SLC25A26: variants seen among roughly 807,000 people sequenced by gnomAD.
SLC25A26 encodes mitochondrial S-adenosylmethionine carrier protein.
Under a neutral mutation model 37.8 loss-of-function variants are expected in SLC25A26, and 36 were observed. That is an observed-to-expected ratio of 0.95 (90% CI 0.73 to 1.26). The LOEUF is 1.26. Among genes scored for constraint, SLC25A26 ranks in the 50% most tolerant of loss-of-function variants. SLC25A26 has a pLI of 0.00. For missense variants in SLC25A26, 390 were observed against 331.1 expected (o/e 1.18, Z -1.38); for synonymous variants, 129 against 122.5 (o/e 1.05, Z -0.35).
At chr3:66,303,947 T>C (rs2075145058) in intron 5 of SLC25A26, among the ~76,000 whole-genome samples, 1 of 152,206 alleles carries the variant, frequency 6.6e-6, no homozygotes, top group African/African-American at 2.4e-5. Context: ...CACACTTTAC[T>C]TCCAGAGGCT....
chr3:66,209,087 G>A (rs1324755347), intron 1 of SLC25A26, among the ~76,000 whole-genome samples: 12 of 39,972 alleles, frequency 3.0e-4, no homozygotes, highest in South Asian at 7.9e-4. Context: ...CCCATATAAA[G>A]ATGTATATAT....
At chr3:66,232,493 T>C (rs1446322453) in intron 1 of SLC25A26, among the ~76,000 whole-genome samples, 4 of 152,322 alleles carry the variant, frequency 2.6e-5, no homozygotes, top group East Asian at 3.9e-4. Context: ...AAAACAGATA[T>C]AGATCTTGTG....
At chr3:66,361,309 G>A (rs1308803250) in intron 6 of SLC25A26, among the ~76,000 whole-genome samples, 4 of 152,100 alleles carry the variant, frequency 2.6e-5, no homozygotes, top group East Asian at 1.9e-4. Flanking sequence ...GAAAACACAG[G>A]ATCAAAAAAT....
In SLC25A26 at chr3:66,209,020, A is replaced by G. The variant is rs1576639288; in HGVS notation, c.-353-11722A>G. ...TACCCATATAAAGGTATATATATAT[A>G]TACACACCCATATAAAGGTGTATAT... is the stretch of plus-strand genomic sequence containing the variant. On this transcript the variant is annotated intron_variant, in intron 1 of 10. Transcript: ENST00000676754. Among the ~76,000 whole-genome samples, 42 of 118,552 alleles carry G rather than the reference A, an allele frequency of 3.5e-4. No individual in the cohort carries two copies. The East Asian group carries it at 5.5e-3, about 16-fold the overall frequency. 77.8% of individuals were successfully genotyped at this position (118,552 alleles called of 152,430 possible).
intron 1 of SLC25A26, among the ~76,000 whole-genome samples, chr3:66,176,469 C>A (rs2106744046): frequency 6.6e-6 from 1 of 152,162 alleles, no homozygotes; most frequent in South Asian, 2.1e-4. Context: ...GCAGTGTATG[C>A]CTCGCAGCCT....
intron 1 of SLC25A26, among the ~76,000 whole-genome samples, chr3:66,228,281 T>C (rs1391922920): frequency 6.6e-6 from 1 of 152,226 alleles, no homozygotes; most frequent in Non-Finnish European, 1.5e-5. Flanking sequence ...GGGACTACCT[T>C]TCTTTTTTCA....
At chr3:66,326,879 T>C (rs1203505772) in intron 5 of SLC25A26, among the ~76,000 whole-genome samples, 1 of 152,196 alleles carries the variant, frequency 6.6e-6, no homozygotes, top group Non-Finnish European at 1.5e-5. Flanking sequence ...AGGTGAACTC[T>C]GGTCCTCTCC....
rs545751109 is a variant in SLC25A26, at chr3:66,160,764, G to A, written c.-354+26780G>A. Among the ~76,000 whole-genome samples the A allele has an allele frequency of 3.3e-5, 5 of 152,074 alleles. No homozygotes were observed. The South Asian group carries it at 6.3e-4, about 19-fold the overall frequency. On this transcript the variant is annotated intron_variant, in intron 1 of 10. Transcript: ENST00000676754. ...AGCCTGGCCAACATGATGAAACCCCGTCTCTACTAAAAACACAAAAATTAG... is the reference window on the plus strand; with the variant it reads ...AGCCTGGCCAACATGATGAAACCCCATCTCTACTAAAAACACAAAAATTAG...
chr3:66,322,374 TTC>T (rs931289693), intron 5 of SLC25A26, among the ~76,000 whole-genome samples: 3 of 152,210 alleles, frequency 2.0e-5, no homozygotes, highest in Non-Finnish European at 4.4e-5. Flanking sequence ...GATTCATATT[TTC>T]TAGTTTATGG....
At chr3:66,157,031 A>C (rs1325786356) in intron 1 of SLC25A26, among the ~76,000 whole-genome samples, 1 of 152,044 alleles carries the variant, frequency 6.6e-6, no homozygotes, top group Admixed American at 6.6e-5. Context: ...TCAGGAGTTC[A>C]AGACCAGCCT....
At position 66,196,021 on chromosome 3, in the gene SLC25A26, A is replaced by G. The variant is rs985137528; in HGVS notation, c.-353-24721A>G. The stretch of plus-strand genomic sequence containing the variant: ...TTTAGGCAGACACACGTGTACAAAC[A>G]TAAAAATAGGTTTCTGACTATTGAA... On this transcript the variant is annotated intron_variant, in intron 1 of 10. Coordinates refer to the SLC25A26 transcript ENST00000676754. Among the ~76,000 whole-genome samples, 28 of 152,356 alleles carry G rather than the reference A, an allele frequency of 1.8e-4. No homozygotes were observed. In the East Asian group the frequency reaches 4.8e-3, roughly 26 times the overall value.
At chr3:66,368,507 G>A (rs1700159564) in intron 7 of SLC25A26, among the ~76,000 whole-genome samples, 2 of 152,164 alleles carry the variant, frequency 1.3e-5, no homozygotes, top group African/African-American at 2.4e-5. Context: ...GTGCTGAAGC[G>A]AGACTCAGGC....
intron 5 of SLC25A26, among the ~76,000 whole-genome samples, chr3:66,287,919 A>G (rs895538764): frequency 6.6e-6 from 1 of 152,240 alleles, no homozygotes; most frequent in African/African-American, 2.4e-5. Flanking sequence ...TTCTTTGTAC[A>G]CTATCACTCA....
chr3:66,321,923 A>C (rs965254601), intron 5 of SLC25A26, among the ~76,000 whole-genome samples: 2 of 152,116 alleles, frequency 1.3e-5, no homozygotes, highest in Non-Finnish European at 2.9e-5. Context: ...AGGAAGTCCA[A>C]GACTGAGGGA....
chr3:66,269,778 G>C (rs1408010905), intron 5 of SLC25A26, among the ~76,000 whole-genome samples: 1 of 152,154 alleles, frequency 6.6e-6, no homozygotes, highest in Non-Finnish European at 1.5e-5. Flanking sequence ...TATCAGTGCT[G>C]TGTATCTGTC....
chr3:66,279,275 G>A (rs1442030317), intron 5 of SLC25A26, among the ~76,000 whole-genome samples: 3 of 152,076 alleles, frequency 2.0e-5, no homozygotes, highest in African/African-American at 7.2e-5. Context: ...CTAATCCTGT[G>A]TTAATATTCA....
In SLC25A26 at chr3:66,267,918, G is replaced by A. The variant is rs191686645; in HGVS notation, c.453+4539G>A. On this transcript the variant is annotated intron_variant, in intron 5 of 9. Transcript: ENST00000354883. ...AAACGGGAACCTTCAGCGATCAAGC[G>A]TCAAGGACTGCCCTCCAAAGTCTCC... is the stretch of plus-strand genomic sequence containing the variant. Among the ~76,000 whole-genome samples, 41 of 152,286 alleles carry A rather than the reference G, an allele frequency of 2.7e-4. 1 individual carries two copies. The highest frequency in any genetic ancestry group is 5.1e-4 in the African/African-American group (21 of 41,554).
At chr3:66,291,614 T>C (rs1331904718) in intron 5 of SLC25A26, among the ~76,000 whole-genome samples, 1 of 152,210 alleles carries the variant, frequency 6.6e-6, no homozygotes, top group African/African-American at 2.4e-5. Context: ...TTGTGCGGTT[T>C]TGAATGAGTT....
chr3:66,261,817 C>T (rs369805047), intron 3 of SLC25A26, among the ~76,000 whole-genome samples: 11 of 151,232 alleles, frequency 7.3e-5, no homozygotes, highest in Non-Finnish European at 1.6e-4. Context: ...GAACATCTGG[C>T]GGGAGGTGGC....
Sources: gnomAD v4.1 joint callset for allele counts (sites outside exome capture counted in the v4.1 genomes callset) on GRCh38, gnomAD v4.1.1 for gene constraint, MANE v1.5 for transcripts, NCBI Gene and HGNC (gene_info 2026-07-23, HGNC 2026-07-21) for gene names.